The following CORIN variants were observed in gnomAD, a reference collection of about 807,000 sequenced individuals.
The protein encoded by CORIN is atrial natriuretic peptide-converting enzyme.
Under a neutral mutation model 125.3 loss-of-function variants are expected in CORIN, and 117 were observed. The ratio of observed to expected loss-of-function variants is 0.93; its 90% CI spans 0.80 to 1.09. The LOEUF is 1.09. Among genes scored for constraint, CORIN ranks in the 50% least tolerant of loss-of-function variants. The pLI is 0.00. For synonymous variants in CORIN, 450 were observed against 466.4 expected (o/e 0.96, Z 0.45); for missense variants, 1,253 against 1,306.7 (o/e 0.96, Z 0.63).
chr4:47,606,839 A>G (rs1721670459), intron 19 of CORIN, among the ~76,000 whole-genome samples: 1 of 151,530 alleles, frequency 6.6e-6, no homozygotes, highest in South Asian at 2.1e-4. Flanking sequence ...GAGAAGTTCA[A>G]TATGTATTTG....
intron 16 of CORIN, among the ~76,000 whole-genome samples, chr4:47,635,992 T>C (rs890404290): frequency 6.6e-6 from 1 of 152,196 alleles, no homozygotes; most frequent in African/African-American, 2.4e-5. Flanking sequence ...TCCAAGACAA[T>C]GCTGCAACCA....
At chr4:47,816,561 G>T (rs530124118) in intron 1 of CORIN, among the ~76,000 whole-genome samples, 74 of 152,236 alleles carry the variant, frequency 4.9e-4, no homozygotes, top group African/African-American at 1.8e-3. Context: ...AATACCCTAT[G>T]ACTAGGGTAA....
In CORIN at chr4:47,661,744, G is replaced by C; in HGVS notation, c.1702C>G (p.Gln568Glu). 1 of 1,613,346 alleles carries C rather than the reference G, an allele frequency of 6.2e-7. No homozygotes were observed. The highest frequency in any genetic ancestry group is 8.5e-7 in the Non-Finnish European group (1 of 1,179,566). Reference sequence around the variant, plus strand: ...TATTCATCAGGCATCAGGCAGGTTTGATTGTCTGAATTTTCCTCTGGAAAT... The same window carrying C: ...TATTCATCAGGCATCAGGCAGGTTTCATTGTCTGAATTTTCCTCTGGAAAT... Reference protein sequence around the residue: ...SQFPEENSDNQTCLMPDEYVE... With the variant: ...SQFPEENSDNETCLMPDEYVE... Residue 568 changes from glutamine (Q) to glutamate (E), a missense_variant, in exon 12 of 22, where the codon CAA (glutamine) becomes GAA (glutamate). Gln to Glu is a conservative substitution (Grantham distance 29, BLOSUM62 2). Coordinates refer to ENST00000273857, the MANE Select transcript of CORIN (RefSeq NM_006587.4).
At chr4:47,661,424 T>C (rs1039540019) in intron 12 of CORIN, 2 of 269,532 alleles carry the variant, frequency 7.4e-6, no homozygotes. Flanking sequence ...TATGCCTGTA[T>C]CAAAATATTT....
chr4:47,758,989 T>C (rs765561135), intron 4 of CORIN, among the ~76,000 whole-genome samples: 1 of 152,146 alleles, frequency 6.6e-6, no homozygotes, highest in Non-Finnish European at 1.5e-5. Flanking sequence ...CAGTATGGTA[T>C]TGGTATAAAA....
intron 9 of CORIN, 55 bp downstream of exon 9, chr4:47,677,883 C>T: frequency 1.6e-6 from 2 of 1,243,628 alleles, no homozygotes; most frequent in East Asian, 2.3e-5. Flanking sequence ...TTCCTTTGTT[C>T]CCAAGGAGAG....
chr4:47,659,045 G>A (rs1190948115), intron 12 of CORIN, among the ~76,000 whole-genome samples: 2 of 152,220 alleles, frequency 1.3e-5, no homozygotes, highest in African/African-American at 2.4e-5. Flanking sequence ...AGATCCTTAG[G>A]GCATAAACAG....
At chr4:47,813,747 A>C (rs1732152726) in intron 1 of CORIN, among the ~76,000 whole-genome samples, 1 of 152,188 alleles carries the variant, frequency 6.6e-6, no homozygotes, top group South Asian at 2.1e-4. Context: ...AACTATGTAG[A>C]CTTAGTTAAT....
intron 5 of CORIN, among the ~76,000 whole-genome samples, chr4:47,698,585 C>T (rs1449322232): frequency 2.0e-5 from 3 of 151,900 alleles, no homozygotes; most frequent in East Asian, 1.9e-4. Context: ...ACATGGTTTT[C>T]GGTAAAGAGT....
chr4:47,728,868 A>C (rs1727722709), intron 5 of CORIN, among the ~76,000 whole-genome samples: 1 of 152,226 alleles, frequency 6.6e-6, no homozygotes, highest in Admixed American at 6.5e-5. Context: ...CCTGTAAGCC[A>C]AGCAGCTAGC....
chr4:47,750,304 T>C (rs999393093), intron 4 of CORIN, among the ~76,000 whole-genome samples: 1 of 152,176 alleles, frequency 6.6e-6, no homozygotes, highest in Non-Finnish European at 1.5e-5. Context: ...ACATGTGTCA[T>C]TGTCTCCCAT....
At chr4:47,689,856 G>T (rs974176053) in intron 6 of CORIN, among the ~76,000 whole-genome samples, 5 of 152,132 alleles carry the variant, frequency 3.3e-5, no homozygotes, top group Non-Finnish European at 7.4e-5. Context: ...CAAAATCTCT[G>T]CAGATGGGGC....
chr4:47,770,689 T>C (rs1729986968), intron 3 of CORIN, among the ~76,000 whole-genome samples: 1 of 152,140 alleles, frequency 6.6e-6, no homozygotes, highest in African/African-American at 2.4e-5. Context: ...AAATATGATT[T>C]GGCCTTTAAA....
chr4:47,673,989 T>A (rs1331866743), intron 10 of CORIN, among the ~76,000 whole-genome samples: 8 of 152,144 alleles, frequency 5.3e-5, no homozygotes, highest in Non-Finnish European at 1.2e-4. Context: ...CAGAACAGAT[T>A]GCCAAAGTTG....
At chr4:47,638,238 A>G (rs1315315846) in intron 16 of CORIN, among the ~76,000 whole-genome samples, 2 of 152,218 alleles carry the variant, frequency 1.3e-5, no homozygotes, top group Admixed American at 1.3e-4. Context: ...TTACAGGCTT[A>G]TAAGATGGAA....
At chr4:47,835,043 T>C (rs1489860560) in intron 1 of CORIN, among the ~76,000 whole-genome samples, 1 of 152,184 alleles carries the variant, frequency 6.6e-6, no homozygotes, top group African/African-American at 2.4e-5. Flanking sequence ...TACAGCACCT[T>C]CTACTCTTAA....
intron 6 of CORIN, among the ~76,000 whole-genome samples, chr4:47,690,116 C>G (rs1017865642): frequency 6.6e-6 from 1 of 152,164 alleles, no homozygotes; most frequent in Admixed American, 6.5e-5. Flanking sequence ...CTGGAGTGCT[C>G]TTTAATAAAC....
intron 4 of CORIN, among the ~76,000 whole-genome samples, chr4:47,757,874 A>ATG (rs1186831205): frequency 2.5e-5 from 2 of 80,238 alleles, no homozygotes; most frequent in Non-Finnish European, 5.7e-5. Context: ...ATACATATAT[A>ATG]TATGTATATA....
At chr4:47,710,964 A>T (rs1178785143) in intron 5 of CORIN, among the ~76,000 whole-genome samples, 1 of 152,226 alleles carries the variant, frequency 6.6e-6, no homozygotes, top group Non-Finnish European at 1.5e-5. Flanking sequence ...CCAAATGCTG[A>T]TCCCTTCTGA....
Sources: gnomAD v4.1 joint callset for allele counts (sites outside exome capture counted in the v4.1 genomes callset) on GRCh38, gnomAD v4.1.1 for gene constraint, MANE v1.5 for transcripts, NCBI Gene and HGNC (gene_info 2026-07-23, HGNC 2026-07-21) for gene names.